Variants in ABCC1 observed in about 807,000 individuals in gnomAD.
The protein encoded by ABCC1 is multidrug resistance-associated protein 1.
Under a neutral mutation model 172.9 loss-of-function variants are expected in ABCC1, and 83 were observed. The observed-to-expected ratio is 0.48, with a 90% confidence interval of 0.40 to 0.58. The LOEUF (loss-of-function observed/expected upper bound fraction) is 0.58, where lower values mean the gene tolerates loss of function less well. Ranked by LOEUF, ABCC1 falls within the 20% of genes least tolerant of loss-of-function variation. The pLI, the probability that ABCC1 is intolerant of heterozygous loss-of-function variation, is 0.00. For synonymous variants in ABCC1, 937 were observed against 825.2 expected (o/e 1.14, Z -2.32); for missense variants, 1,817 against 2,002.7 (o/e 0.91, Z 1.77).
At chr16:16,027,630 G>C (rs143241744) in intron 5 of ABCC1, among the ~76,000 whole-genome samples, 33 of 152,266 alleles carry the variant, frequency 2.2e-4, no homozygotes, top group African/African-American at 7.7e-4. Context: ...TCAAGGAATA[G>C]AGTGAAATTC....
In ABCC1 at chr16:15,964,976, T is replaced by C. The variant is rs144968920; in HGVS notation, c.48+15177T>C. On this transcript the variant is annotated intron_variant, in intron 1 of 30. Transcript: ENST00000399410. ...GTTAGTTTGTAAGGGCTCTTGTTAT[T>C]GTGGGACCTTTCCTCTTTGTCCATC... Among the ~76,000 whole-genome samples, 20 of 152,344 alleles carry C rather than the reference T, an allele frequency of 1.3e-4. 1 individual carries two copies. The East Asian group carries it at 3.7e-3, about 28-fold the overall frequency.
At chr16:15,976,216 G>A (rs920054160) in intron 1 of ABCC1, among the ~76,000 whole-genome samples, 3 of 152,138 alleles carry the variant, frequency 2.0e-5, no homozygotes, top group Admixed American at 1.3e-4. Context: ...GCAGTGAGCC[G>A]AGATTGCACT....
intron 7 of ABCC1, among the ~76,000 whole-genome samples, chr16:16,039,696 T>G (rs1394784166): frequency 6.6e-6 from 1 of 152,170 alleles, no homozygotes; most frequent in Non-Finnish European, 1.5e-5. Flanking sequence ...TCCTGAGTGT[T>G]ACTGCTTTTT....
intron 1 of ABCC1, among the ~76,000 whole-genome samples, chr16:15,965,661 A>G (rs1350307474): frequency 6.6e-6 from 1 of 151,738 alleles, no homozygotes; most frequent in Non-Finnish European, 1.5e-5. Flanking sequence ...GCATTGCGCA[A>G]TCTTGGCTCC....
At chr16:16,097,630 CCT>C (rs1447757250) in intron 19 of ABCC1, among the ~76,000 whole-genome samples, 1 of 152,182 alleles carries the variant, frequency 6.6e-6, no homozygotes, top group Non-Finnish European at 1.5e-5. Context: ...GATTTCACCC[CCT>C]CTCAGGTCTG....
At chr16:16,130,208 C>T (rs987459694) in intron 26 of ABCC1, among the ~76,000 whole-genome samples, 7 of 152,198 alleles carry the variant, frequency 4.6e-5, no homozygotes, top group African/African-American at 1.4e-4. Context: ...TGAGACACTG[C>T]GATACAGATG....
chr16:15,957,460 TCA>T (rs2046024554), intron 1 of ABCC1, among the ~76,000 whole-genome samples: 1 of 152,138 alleles, frequency 6.6e-6, no homozygotes, highest in Admixed American at 6.6e-5. Flanking sequence ...ACTCAGTGTC[TCA>T]CACACAGTGG....
At position 16,133,758 on chromosome 16, in the gene ABCC1, T is replaced by C. The variant is rs1237478639; in HGVS notation, c.3967-592T>C. On this transcript the variant is annotated intron_variant, in intron 27 of 30. Coordinates refer to ENST00000399410, the MANE Select transcript of ABCC1 (RefSeq NM_004996.4). ...GTCATGAGAATTTTTGCACGCATGC[T>C]GCTCTGTGACACCCCTGTAGGAGGG... Among the ~76,000 whole-genome samples the C allele has an allele frequency of 2.6e-5, 4 of 152,278 alleles. No individual in the cohort carries two copies. In the South Asian group the frequency reaches 6.2e-4, roughly 24 times the overall value.
chr16:16,046,060 C>T (rs2049196293), intron 9 of ABCC1, 47 bp downstream of exon 9: 2 of 1,593,260 alleles, frequency 1.3e-6, no homozygotes, highest in South Asian at 1.1e-5. Context: ...TCCACATCCC[C>T]TCCTGCAGCC....
Position 16,056,231 on chromosome 16 carries a change from T to A in ABCC1, c.1613T>A (p.Val538Glu). 2 of 1,614,192 alleles carry A rather than the reference T, an allele frequency of 1.2e-6. No homozygotes were observed. The highest frequency in any genetic ancestry group is 1.7e-6 in the Non-Finnish European group (2 of 1,180,032). Residue 538 changes from valine (V) to glutamate (E), a missense_variant, in exon 12 of 31, where the codon GTG (valine) becomes GAG (glutamate). This residue lies in a region of ABCC1 where 1,412 missense variants were observed against 1,600.3 expected (regional missense o/e 0.88). Transcript: ENST00000399410. ...VLAIRQEELK[V>E]LKKSAYLSAV... ...GCCATCAGGCAGGAGGAGCTGAAGG[T>A]GCTGAAGAAGTCTGCCTACCTGTCA... is the stretch of plus-strand genomic sequence containing the variant.
At chr16:15,955,974 G>C (rs150363372) in intron 1 of ABCC1, among the ~76,000 whole-genome samples, 120 of 152,242 alleles carry the variant, frequency 7.9e-4, no homozygotes, top group Non-Finnish European at 1.3e-3. Flanking sequence ...AGGATGCAGC[G>C]CGGTGGCTTA....
At chr16:16,105,210 T>G (rs1457276521) in intron 20 of ABCC1, among the ~76,000 whole-genome samples, 1 of 152,158 alleles carries the variant, frequency 6.6e-6, no homozygotes, top group African/African-American at 2.4e-5. Context: ...CAGCCTAAAT[T>G]CTAGTGGGAG....
chr16:16,103,743 C>T (rs1341095266), intron 20 of ABCC1, among the ~76,000 whole-genome samples: 3 of 152,144 alleles, frequency 2.0e-5, no homozygotes, highest in Admixed American at 1.3e-4. Context: ...GACCATGCGG[C>T]ATAGCACGGT....
In ABCC1 at chr16:15,958,833, C is replaced by T. The variant is rs1441818036; in HGVS notation, c.48+9034C>T. 3.9e-5 allele frequency among the ~76,000 whole-genome samples: 6 copies of T among 152,114 alleles called. No individual in the cohort carries two copies. The East Asian group carries it at 1.2e-3, about 29-fold the overall frequency. The stretch of plus-strand genomic sequence containing the variant: ...ATTTTGCGGGTGGGGACATGGAGCA[C>T]AGTTGCTCAGTGTCGGCCCCGTTGA... On this transcript the variant is annotated intron_variant, in intron 1 of 30. Transcript: ENST00000399410.
intron 4 of ABCC1, among the ~76,000 whole-genome samples, 196 bp downstream of exon 4, chr16:16,014,824 C>A (rs1001152115): frequency 6.6e-6 from 1 of 152,168 alleles, no homozygotes; most frequent in African/African-American, 2.4e-5. Context: ...TTTTCTAGCA[C>A]CTCCTTTCCC....
At chr16:16,106,590 A>T in intron 20 of ABCC1, 148 bp from the exon 21 acceptor site, 1 of 847,048 alleles carries the variant, frequency 1.2e-6, no homozygotes, top group Non-Finnish European at 1.8e-6. Flanking sequence ...TGGTGCATAT[A>T]TTCATATATA....
intron 1 of ABCC1, among the ~76,000 whole-genome samples, chr16:15,959,311 GCTTT>G (rs897249241): frequency 1.3e-5 from 2 of 152,078 alleles, no homozygotes; most frequent in Non-Finnish European, 2.9e-5. Context: ...AACAAAAATG[GCTTT>G]CTTTTTCTTT....
intron 3 of ABCC1, among the ~76,000 whole-genome samples, chr16:16,011,425 C>G (rs1203753674): frequency 1.3e-5 from 2 of 152,014 alleles, no homozygotes; most frequent in Admixed American, 1.3e-4. Context: ...TCAGGAAAGA[C>G]AACGTGGAGC....
At chr16:15,988,475 A>G (rs1316123094) in intron 1 of ABCC1, among the ~76,000 whole-genome samples, 1 of 152,170 alleles carries the variant, frequency 6.6e-6, no homozygotes. Flanking sequence ...TGCCCAGCAC[A>G]TGCCTGACCC....
Sources: allele counts gnomAD v4.1 joint callset (sites outside exome capture counted in the v4.1 genomes callset), GRCh38; gene constraint gnomAD v4.1.1; regional missense constraint gnomAD v4.1.1; transcripts MANE v1.5; gene names NCBI Gene and HGNC (gene_info 2026-07-23, HGNC 2026-07-21).